The following RGS6 variants were observed in gnomAD, a reference collection of about 807,000 sequenced individuals.
The protein encoded by RGS6 is regulator of G protein signaling 6, also known as regulator of G-protein signaling 6.
A neutral mutation model predicts 78.5 loss-of-function variants in RGS6; 30 were observed. That is an observed-to-expected ratio of 0.38 (90% confidence interval 0.29 to 0.52). The LOEUF is 0.52. Among genes scored for constraint, RGS6 ranks in the 20% least tolerant of loss-of-function variants. The pLI is 0.85. For missense variants in RGS6, 495 were observed against 609.7 expected (o/e 0.81, Z 1.98); for synonymous variants, 206 against 206.0 (o/e 1.00, Z 0.00).
At position 72,565,438 on chromosome 14, in the gene RGS6, C is replaced by T. The variant is rs2097705568; in HGVS notation, c.*2971C>T. 6.6e-6 allele frequency: 1 copy of T among 152,372 alleles called. No individual in the cohort carries two copies. The highest frequency in any genetic ancestry group is 2.1e-4 in the South Asian group (1 of 4,828). The allele number at this position is 152,372 out of a possible 1,614,324, so 9.4% of individuals were successfully genotyped here. On this transcript the variant is annotated 3_prime_UTR_variant, in exon 18 of 18. Coordinates refer to ENST00000553525, the MANE Select transcript of RGS6 (RefSeq NM_001204424.2). The stretch of plus-strand genomic sequence containing the variant: ...TGGCCTGAACTAAGCAGCAGGAACT[C>T]TCTGGGCTGGGGAGGAGCCTCCTGC...
In RGS6 at chr14:72,490,530, A is replaced by G. The variant is rs529519443; in HGVS notation, c.855-4622A>G. ...AGTGTGCCCGTGGTTTCGCTTGTCTATTTTATATTTGTAGAGGATTGTCAA... is the reference window on the plus strand; with the variant it reads ...AGTGTGCCCGTGGTTTCGCTTGTCTGTTTTATATTTGTAGAGGATTGTCAA... On this transcript the variant is annotated intron_variant, in intron 12 of 17. Transcript: ENST00000553525. Among the ~76,000 whole-genome samples, 3 of 152,244 alleles carry G rather than the reference A, an allele frequency of 2.0e-5. No homozygotes were observed. In the East Asian group the frequency reaches 5.8e-4, roughly 29 times the overall value.
chr14:72,393,002 T>C (rs542771610), intron 3 of RGS6, among the ~76,000 whole-genome samples: 28 of 152,340 alleles, frequency 1.8e-4, no homozygotes, highest in African/African-American at 5.3e-4. Flanking sequence ...AGAGACTCTC[T>C]TAATGGCCAA....
chr14:72,168,601 A>G (rs1426401205), intron 2 of RGS6, among the ~76,000 whole-genome samples: 1 of 152,224 alleles, frequency 6.6e-6, no homozygotes, highest in East Asian at 1.9e-4. Context: ...TGGATATACT[A>G]TTGGGTTAAA....
At chr14:72,629,524 C>T in the RGS6 span, 5 of 1,178,276 alleles carry the variant, frequency 4.2e-6, no homozygotes, top group Non-Finnish European at 6.0e-6. Flanking sequence ...GGTAACAGGC[C>T]CCAGGGGCCT....
At chr14:72,560,741 TAA>T (rs1335808087) in intron 17 of RGS6, among the ~76,000 whole-genome samples, 1 of 151,922 alleles carries the variant, frequency 6.6e-6, no homozygotes, top group African/African-American at 2.4e-5. Flanking sequence ...TGCTGCAGGC[TAA>T]GTTTAGTGCA....
At chr14:72,381,531 A>G (rs75127759) in intron 3 of RGS6, among the ~76,000 whole-genome samples, 2,512 of 152,266 alleles carry the variant, frequency 0.016, 27 homozygotes, top group Non-Finnish European at 0.027. Flanking sequence ...GCTACAAGGC[A>G]GTAGAAGACC....
chr14:71,904,881 A>G, the RGS6 span, among the ~76,000 whole-genome samples: 1 of 143,328 alleles, frequency 7.0e-6, no homozygotes, highest in Non-Finnish European at 1.6e-5. Flanking sequence ...GATAGTGCAT[A>G]CTGGACTCCA....
At chr14:72,204,071 A>G (rs1323986671) in intron 2 of RGS6, among the ~76,000 whole-genome samples, 2 of 151,690 alleles carry the variant, frequency 1.3e-5, no homozygotes, top group Non-Finnish European at 2.9e-5. Context: ...TGATCTGCCC[A>G]CCTCGGCCTC....
chr14:72,620,009 G>A, the RGS6 span: 1 of 1,514,016 alleles, frequency 6.6e-7, no homozygotes, highest in Middle Eastern at 1.7e-4. Flanking sequence ...AGTAAGCACA[G>A]AGGAGGAGAG....
intron 2 of RGS6, among the ~76,000 whole-genome samples, chr14:72,041,484 T>TA (rs1353292583): frequency 6.6e-6 from 1 of 152,204 alleles, no homozygotes; most frequent in Non-Finnish European, 1.5e-5. Context: ...AGTTTCCCGT[T>TA]AGAGTCTGTG....
At chr14:72,422,140 T>G (rs2094216626) in intron 3 of RGS6, among the ~76,000 whole-genome samples, 5 of 152,180 alleles carry the variant, frequency 3.3e-5, no homozygotes, top group Admixed American at 3.3e-4. Context: ...AAGACATGAC[T>G]TGCACCTCCT....
intron 2 of RGS6, among the ~76,000 whole-genome samples, chr14:72,135,803 A>G (rs929241044): frequency 6.6e-6 from 1 of 151,618 alleles, no homozygotes; most frequent in Admixed American, 6.6e-5. Context: ...GAACAAATCT[A>G]TTTTCCTGAA....
At chr14:72,147,357 G>A (rs1484159307) in intron 2 of RGS6, among the ~76,000 whole-genome samples, 1 of 152,218 alleles carries the variant, frequency 6.6e-6, no homozygotes, top group East Asian at 1.9e-4. Flanking sequence ...ACCAGAGACT[G>A]GGTAATTTAT....
intron 2 of RGS6, among the ~76,000 whole-genome samples, chr14:72,017,498 G>C (rs996554451): frequency 1.3e-5 from 2 of 152,146 alleles, no homozygotes; most frequent in Non-Finnish European, 2.9e-5. Context: ...TTGAAACACA[G>C]CCACATCCAT....
At chr14:72,602,799 T>G in the RGS6 span, among the ~76,000 whole-genome samples, 15 of 152,330 alleles carry the variant, frequency 9.8e-5, no homozygotes, top group South Asian at 3.1e-3. Context: ...AAGCTAATGA[T>G]TTTATGGCAC....
chr14:72,138,232 A>G (rs896008224), intron 2 of RGS6, among the ~76,000 whole-genome samples: 12 of 152,274 alleles, frequency 7.9e-5, no homozygotes, highest in Admixed American at 3.9e-4. Context: ...TATAAGCTAC[A>G]TCACCTGTTA....
chr14:72,475,830 G>GCACACACA lies in RGS6; in HGVS notation c.694-896_694-889dup, dbSNP rs1555424335. 9.5e-4 allele frequency among the ~76,000 whole-genome samples: 139 copies of GCACACACA among 145,678 alleles called. 2 individuals carry two copies. Among genetic ancestry groups the GCACACACA allele is most frequent in the Admixed American group, 1.5e-3 (22 of 14,626 alleles). On this transcript the variant is annotated intron_variant, in intron 10 of 17. Coordinates refer to ENST00000553525, the MANE Select transcript of RGS6 (RefSeq NM_001204424.2). ...ATGTATGCATTAAAAAAAAATACAC[G>GCACACACA]CACACACACACACACACACACACTA...
intron 1 of RGS6, among the ~76,000 whole-genome samples, chr14:71,960,405 A>G (rs747954546): frequency 3.3e-5 from 5 of 152,146 alleles, no homozygotes; most frequent in Non-Finnish European, 5.9e-5. Context: ...AGTCTTCTTT[A>G]TTGGCCACTT....
Position 72,121,329 on chromosome 14 carries a change from A to G in RGS6, c.84+156454A>G, listed in dbSNP as rs148345043. ...ACCTGCTGATAAATGGCTCCATTCC[A>G]TAGCCTTGAGGGTCTTGAATAGCTT... On this transcript the variant is annotated intron_variant, in intron 2 of 17. Coordinates refer to ENST00000553525, the MANE Select transcript of RGS6 (RefSeq NM_001204424.2). Among the ~76,000 whole-genome samples, 1,062 of 152,316 alleles carry G rather than the reference A, an allele frequency of 7.0e-3. 36 individuals carry two copies. The highest frequency in any genetic ancestry group is 0.061 in the Admixed American group (928 of 15,290).
Sources: gnomAD v4.1 joint callset for allele counts (sites outside exome capture counted in the v4.1 genomes callset) on GRCh38, gnomAD v4.1.1 for gene constraint, MANE v1.5 for transcripts, NCBI Gene and HGNC (gene_info 2026-07-23, HGNC 2026-07-21) for gene names.